Variants in PRKCH observed in about 807,000 individuals in gnomAD.
The protein encoded by PRKCH is protein kinase C eta type.
PRKCH carries 28 observed loss-of-function variants against 82.5 expected under a neutral mutation model. The ratio of observed to expected loss-of-function variants is 0.34; its 90% CI spans 0.25 to 0.47. The LOEUF is 0.47. Ranked by LOEUF, PRKCH falls within the 20% of genes least tolerant of loss-of-function variation. PRKCH has a pLI of 1.00. For synonymous variants in PRKCH, 322 were observed against 327.4 expected, an observed-to-expected ratio of 0.98 and a Z score of 0.18; for missense variants, 705 against 881.8, an observed-to-expected ratio of 0.80 and a Z score of 2.54.
intron 2 of PRKCH, among the ~76,000 whole-genome samples, chr14:61,426,089 T>C (rs1412006527): frequency 1.3e-5 from 2 of 152,238 alleles, no homozygotes; most frequent in East Asian, 3.8e-4. Context: ...GTCTCAGGTA[T>C]GTCTTTACAG....
chr14:61,214,471 A>G (rs1447568171), intron 1 of PRKCH, among the ~76,000 whole-genome samples: 2 of 152,110 alleles, frequency 1.3e-5, no homozygotes, highest in Admixed American at 6.5e-5. Context: ...TTGCTTCATG[A>G]TAGTTAATCT....
chr14:61,359,756 A>G (rs2046198783), intron 1 of PRKCH, among the ~76,000 whole-genome samples: 1 of 152,262 alleles, frequency 6.6e-6, no homozygotes, highest in Admixed American at 6.5e-5. Flanking sequence ...CACTAGCCAT[A>G]TGTGGCTATT....
At chr14:61,273,465 A>G (rs1274376485) in intron 1 of PRKCH, among the ~76,000 whole-genome samples, 3 of 152,238 alleles carry the variant, frequency 2.0e-5, no homozygotes, top group African/African-American at 7.2e-5. Context: ...ATAGAATATT[A>G]CAGTAAGTAA....
intron 2 of PRKCH, among the ~76,000 whole-genome samples, chr14:61,429,336 T>C (rs1454281886): frequency 6.6e-6 from 1 of 152,230 alleles, no homozygotes; most frequent in East Asian, 1.9e-4. Context: ...AATAGAAACC[T>C]ATAGAACTGA....
intron 2 of PRKCH, among the ~76,000 whole-genome samples, chr14:61,405,378 C>T (rs1881882667): frequency 1.0e-5 from 1 of 99,652 alleles, no homozygotes; most frequent in Non-Finnish European, 2.1e-5. Context: ...GAATCTTCTG[C>T]TCTTTTTTTT....
At chr14:61,470,634 G>C (rs1885459591) in intron 9 of PRKCH, among the ~76,000 whole-genome samples, 1 of 152,044 alleles carries the variant, frequency 6.6e-6, no homozygotes. Flanking sequence ...CCAATTCTTA[G>C]TTATAGCAAA....
At chr14:61,539,673 G>T (rs1283813254) in intron 12 of PRKCH, among the ~76,000 whole-genome samples, 1 of 151,870 alleles carries the variant, frequency 6.6e-6, no homozygotes, top group Non-Finnish European at 1.5e-5. Context: ...ATCTGTAGCT[G>T]AGGGAAGGAC....
intron 1 of PRKCH, among the ~76,000 whole-genome samples, chr14:61,263,232 C>G (rs2045065873): frequency 6.6e-6 from 1 of 152,100 alleles, no homozygotes; most frequent in Non-Finnish European, 1.5e-5. Context: ...GTTTATCATT[C>G]TTTTTCTTTT....
chr14:61,477,757 T>C (rs1463842077), intron 9 of PRKCH, among the ~76,000 whole-genome samples: 1 of 152,220 alleles, frequency 6.6e-6, no homozygotes, highest in Admixed American at 6.5e-5. Context: ...AGAAAAGTCC[T>C]TACCCGGTCA....
chr14:61,488,151 CAAA>C (rs33973552), intron 10 of PRKCH, among the ~76,000 whole-genome samples: 19 of 140,742 alleles, frequency 1.3e-4, no homozygotes, highest in East Asian at 4.1e-4. Flanking sequence ...GACTCCGTCT[CAAA>C]AAAAAAAAAA....
chr14:61,260,679 C>T lies in PRKCH; in HGVS notation c.-19+73011C>T, dbSNP rs117460287. Among the ~76,000 whole-genome samples, 35 of 152,138 alleles carry T rather than the reference C, an allele frequency of 2.3e-4. 1 individual carries two copies. In the East Asian group the frequency reaches 5.6e-3, roughly 24 times the overall value. ...TTTTTTTCTTAAAAAAATGTTTGAA[C>T]ATCAATTAGTTAAAAGGCTGGATGA... On this transcript the variant is annotated intron_variant, in intron 1 of 3. Transcript: ENST00000555185.
chr14:61,343,412 C>T (rs1187754396), intron 1 of PRKCH, among the ~76,000 whole-genome samples: 1 of 136,160 alleles, frequency 7.3e-6, no homozygotes, highest in Non-Finnish European at 1.5e-5. Flanking sequence ...AAAAGACTTA[C>T]ATGTTGAGGC....
At position 61,547,839 on chromosome 14, in the gene PRKCH, G is replaced by A; in HGVS notation, c.1858G>A (p.Ala620Thr). ...RHPFFKEIDW[A>T]QLNHRQIEPP... ...TCCTTTTTTTAAGGAAATCGACTGG[G>A]CCCAGCTGAACCATCGCCAAATAGA... Residue 620 changes from alanine to threonine, a missense_variant, in exon 13 of 14, where the codon GCC becomes ACC. Physicochemically the swap from Ala to Thr is moderately conservative, Grantham distance 58 (BLOSUM62 0). Around this residue, in one of 5 missense-constraint regions of PRKCH, gnomAD observed 91 missense variants for 81.2 expected, o/e 1.12. Coordinates refer to ENST00000332981, the MANE Select transcript of PRKCH (RefSeq NM_006255.5). 6.2e-7 allele frequency: 1 copy of A among 1,614,070 alleles called. No individual in the cohort carries two copies. Among genetic ancestry groups the A allele is most frequent in the Non-Finnish European group, 8.5e-7 (1 of 1,179,990 alleles).
chr14:61,379,423 G>A (rs762028141), intron 1 of PRKCH, among the ~76,000 whole-genome samples: 1 of 152,194 alleles, frequency 6.6e-6, no homozygotes, highest in Non-Finnish European at 1.5e-5. Context: ...CCTGCAGACT[G>A]AGCAATGAAT....
intron 1 of PRKCH, among the ~76,000 whole-genome samples, chr14:61,328,199 G>A (rs922897930): frequency 1.4e-5 from 2 of 142,474 alleles, no homozygotes; most frequent in Non-Finnish European, 3.0e-5. Context: ...GCAGTGAGCC[G>A]AGATTGCGCC....
chr14:61,275,523 C>A (rs759156325), intron 1 of PRKCH, among the ~76,000 whole-genome samples: 1 of 152,154 alleles, frequency 6.6e-6, no homozygotes, highest in Non-Finnish European at 1.5e-5. Flanking sequence ...AGGTTCTTGA[C>A]AGTAATACCT....
intron 2 of PRKCH, among the ~76,000 whole-genome samples, chr14:61,402,562 C>T (rs1398647539): frequency 3.3e-5 from 5 of 152,056 alleles, no homozygotes; most frequent in South Asian, 2.1e-4. Context: ...TTTGGGAGGC[C>T]GAGGCGGGCA....
intron 10 of PRKCH, among the ~76,000 whole-genome samples, chr14:61,490,810 C>T (rs756124018): frequency 7.9e-5 from 12 of 151,864 alleles, no homozygotes; most frequent in African/African-American, 1.2e-4. Flanking sequence ...CCCAGCTACT[C>T]GGGAGGCTGA....
intron 10 of PRKCH, among the ~76,000 whole-genome samples, chr14:61,527,444 C>G (rs2042981845): frequency 6.6e-6 from 1 of 152,156 alleles, no homozygotes; most frequent in South Asian, 2.1e-4. Context: ...ATTATCAAGC[C>G]TTATTACTGA....
Sources: allele counts gnomAD v4.1 joint callset (sites outside exome capture counted in the v4.1 genomes callset), GRCh38; gene constraint gnomAD v4.1.1; regional missense constraint gnomAD v4.1.1; transcripts MANE v1.5; gene names NCBI Gene and HGNC (gene_info 2026-07-23, HGNC 2026-07-21).